Variants in BMAL2 observed in about 807,000 individuals in gnomAD.
The protein encoded by BMAL2 is basic helix-loop-helix ARNT like 2, also known as basic helix-loop-helix ARNT-like protein 2.
chr12:27,378,104 G>GT, the BMAL2 span, among the ~76,000 whole-genome samples: 1 of 152,208 alleles, frequency 6.6e-6, no homozygotes, highest in Non-Finnish European at 1.5e-5. Flanking sequence ...GCTGTGTGTT[G>GT]TAGGAGAGGG....
the BMAL2 span, chr12:27,390,197 G>T: frequency 1.2e-6 from 2 of 1,613,936 alleles, no homozygotes; most frequent in South Asian, 1.1e-5. Context: ...TAAAATCTCT[G>T]TCAAAGAAGA....
chr12:27,388,463 GGGGTGGCCACTGT>G, the BMAL2 span, among the ~76,000 whole-genome samples: 32 of 152,262 alleles, frequency 2.1e-4, no homozygotes, highest in Middle Eastern at 6.8e-3. Flanking sequence ...ATTCAGAAGA[GGGGTGGCCACTGT>G]GGGTCAGGAA....
chr12:27,404,822 C>T, the BMAL2 span, among the ~76,000 whole-genome samples: 1 of 152,182 alleles, frequency 6.6e-6, no homozygotes, highest in Non-Finnish European at 1.5e-5. Flanking sequence ...ACCCGGAAAG[C>T]GCAAGGGGTC....
chr12:27,397,139 C>G, the BMAL2 span, among the ~76,000 whole-genome samples: 1 of 152,108 alleles, frequency 6.6e-6, no homozygotes. Context: ...GGCATGATCT[C>G]GGCTCACTGC....
chr12:27,343,837 T>A, the BMAL2 span, among the ~76,000 whole-genome samples: 1 of 152,212 alleles, frequency 6.6e-6, no homozygotes, highest in African/African-American at 2.4e-5. Flanking sequence ...CTTCAGTGCT[T>A]ATATCACTCT....
chr12:27,394,530 G>T, the BMAL2 span: 1 of 152,142 alleles, frequency 6.6e-6, no homozygotes, highest in East Asian at 1.9e-4. Context: ...CTTGTCCTTT[G>T]TTCCTGGGTG....
the BMAL2 span, among the ~76,000 whole-genome samples, chr12:27,419,767 T>C: frequency 1.6e-4 from 24 of 152,348 alleles, 1 homozygote; most frequent in East Asian, 7.7e-4. Flanking sequence ...TTGACACATA[T>C]ATACAAACCT....
chr12:27,369,024 T>C, the BMAL2 span, among the ~76,000 whole-genome samples: 6 of 152,216 alleles, frequency 3.9e-5, no homozygotes, highest in African/African-American at 1.2e-4. Flanking sequence ...CCTGCAGTAC[T>C]AGCTACGCAG....
chr12:27,346,038 G>A, the BMAL2 span, among the ~76,000 whole-genome samples: 2 of 152,114 alleles, frequency 1.3e-5, no homozygotes, highest in Admixed American at 6.5e-5. Flanking sequence ...TCCATCAGAC[G>A]AGAGACAATG....
At chr12:27,372,067 A>G in the BMAL2 span, among the ~76,000 whole-genome samples, 1 of 152,152 alleles carries the variant, frequency 6.6e-6, no homozygotes, top group South Asian at 2.1e-4. Context: ...CATCTCTACT[A>G]AAAATACAAA....
chr12:27,401,438 T>C, the BMAL2 span: 3 of 1,541,284 alleles, frequency 1.9e-6, no homozygotes, highest in Middle Eastern at 1.8e-4. Context: ...CCCATTCCTG[T>C]GAAATTTGAA....
At chr12:27,384,984 TA>T in the BMAL2 span, among the ~76,000 whole-genome samples, 2 of 152,166 alleles carry the variant, frequency 1.3e-5, no homozygotes, top group Non-Finnish European at 2.9e-5. Context: ...ATTCACAATC[TA>T]AAAGAAAGAA....
chr12:27,333,226 C>T, the BMAL2 span: 3 of 894,212 alleles, frequency 3.4e-6, no homozygotes, highest in African/African-American at 5.5e-5. Context: ...CGCCTGTCCT[C>T]TCGGGCCGGA....
At chr12:27,344,595 C>T in the BMAL2 span, among the ~76,000 whole-genome samples, 16 of 152,186 alleles carry the variant, frequency 1.1e-4, no homozygotes, top group African/African-American at 3.9e-4. Context: ...GAAGACTCCG[C>T]TCTGCTTTTA....
At chr12:27,394,826 T>C in the BMAL2 span, among the ~76,000 whole-genome samples, 1 of 152,190 alleles carries the variant, frequency 6.6e-6, no homozygotes, top group African/African-American at 2.4e-5. Flanking sequence ...ATTAGTGTTC[T>C]TGTAAGGAGA....
At chr12:27,396,140 T>C in the BMAL2 span, among the ~76,000 whole-genome samples, 15 of 152,210 alleles carry the variant, frequency 9.9e-5, no homozygotes, top group Non-Finnish European at 1.9e-4. Context: ...TTTGAAACCA[T>C]CCAGTCTGGA....
chr12:27,362,050 T>G, the BMAL2 span, among the ~76,000 whole-genome samples: 2 of 152,222 alleles, frequency 1.3e-5, no homozygotes, highest in Non-Finnish European at 2.9e-5. Flanking sequence ...TTCGTTTTAT[T>G]TCTGTCTCTG....
the BMAL2 span, among the ~76,000 whole-genome samples, chr12:27,373,891 T>C: frequency 1.3e-5 from 2 of 152,196 alleles, no homozygotes; most frequent in African/African-American, 4.8e-5. Context: ...ATTATTAATA[T>C]CAGAAAGCTT....
the BMAL2 span, chr12:27,389,351 A>C: frequency 1.6e-6 from 2 of 1,212,442 alleles, no homozygotes; most frequent in Admixed American, 3.7e-5. Flanking sequence ...TGATCACCTA[A>C]AAGTTTAGCT....
Sources: allele counts gnomAD v4.1 joint callset (sites outside exome capture counted in the v4.1 genomes callset), GRCh38; gene constraint gnomAD v4.1.1; transcripts MANE v1.5; gene names NCBI Gene and HGNC (gene_info 2026-07-23, HGNC 2026-07-21).